Variants in EFNA5 observed in about 807,000 individuals in gnomAD.
EFNA5 encodes the protein ephrin A5, also known as ephrin-A5.
EFNA5 carries 5 observed loss-of-function variants against 22.9 expected under a neutral mutation model. The observed-to-expected ratio is 0.22, with a 90% CI of 0.11 to 0.46. The LOEUF (loss-of-function observed/expected upper bound fraction) is 0.46. Ranked by LOEUF, EFNA5 falls within the 20% of genes least tolerant of loss-of-function variation. EFNA5 has a pLI of 0.99. For missense variants in EFNA5, 237 were observed against 293.3 expected (o/e 0.81, Z 1.40); for synonymous variants, 113 against 112.2 (o/e 1.01, Z -0.04).
intron 1 of EFNA5, among the ~76,000 whole-genome samples, chr5:107,482,886 A>C (rs1750524611): frequency 6.7e-6 from 1 of 148,954 alleles, no homozygotes; most frequent in African/African-American, 2.5e-5. Flanking sequence ...ATATATATAT[A>C]TATATATACA....
At chr5:107,559,832 C>T (rs1429734372) in intron 1 of EFNA5, among the ~76,000 whole-genome samples, 2 of 152,126 alleles carry the variant, frequency 1.3e-5, no homozygotes, top group African/African-American at 2.4e-5. Flanking sequence ...AGCAATTATC[C>T]TTTGGGGAGT....
At chr5:107,571,983 G>C (rs1748818127) in intron 1 of EFNA5, among the ~76,000 whole-genome samples, 1 of 152,104 alleles carries the variant, frequency 6.6e-6, no homozygotes, top group South Asian at 2.1e-4. Context: ...TGGCAAAGCA[G>C]AGCCTACTGT....
chr5:107,377,737 A>C lies in EFNA5; in HGVS notation c.*3518T>G, dbSNP rs902028880. 1.3e-5 allele frequency: 2 copies of C among 152,226 alleles called. No individual in the cohort carries two copies. Among genetic ancestry groups the C allele is most frequent in the Admixed American group, 6.5e-5 (1 of 15,284 alleles). The allele number at this position is 152,226 out of a possible 1,614,324, so 9.4% of individuals were successfully genotyped here. A position where few individuals can be genotyped will look rare whatever the true frequency, so the allele number is the denominator to read the frequency against. On this transcript the variant is annotated 3_prime_UTR_variant, in exon 5 of 5. Transcript: ENST00000333274. Reference sequence around the variant, plus strand: ...GATATTGATAAAGACTCTTCCTGGGAAAAAATAAAACAGTCCATGAAAACA... The same window carrying C: ...GATATTGATAAAGACTCTTCCTGGGCAAAAATAAAACAGTCCATGAAAACA...
chr5:107,523,733 TAAATCCCTTTGTAATAAC>T (rs1053600384), intron 1 of EFNA5, among the ~76,000 whole-genome samples: 1 of 152,240 alleles, frequency 6.6e-6, no homozygotes, highest in African/African-American at 2.4e-5. Context: ...CTTTTTGAAA[TAAATCCCTTTGTAATAAC>T]AAATCAGACT....
chr5:107,427,039 T>C (rs1748827420), intron 2 of EFNA5, 178 bp downstream of exon 2: 5 of 667,054 alleles, frequency 7.5e-6, no homozygotes, highest in Non-Finnish European at 1.3e-5. Flanking sequence ...GCTCTGTCTT[T>C]AATCTAATTT....
At chr5:107,588,303 C>T (rs192511292) in intron 1 of EFNA5, among the ~76,000 whole-genome samples, 2 of 151,966 alleles carry the variant, frequency 1.3e-5, no homozygotes, top group Non-Finnish European at 2.9e-5. Context: ...GAGTACATAA[C>T]TAGAAGGCCC....
At chr5:107,608,667 G>A (rs1749767891) in intron 1 of EFNA5, among the ~76,000 whole-genome samples, 1 of 152,192 alleles carries the variant, frequency 6.6e-6, no homozygotes, top group Non-Finnish European at 1.5e-5. Flanking sequence ...TCATGGCTGT[G>A]CTTTATCTTC....
chr5:107,495,690 G>C (rs1247229197), intron 1 of EFNA5, among the ~76,000 whole-genome samples: 1 of 152,126 alleles, frequency 6.6e-6, no homozygotes, highest in Admixed American at 6.5e-5. Flanking sequence ...GAAACTCCTT[G>C]GCGCCTCCTC....
chr5:107,618,860 A>C, intron 1 of EFNA5, among the ~76,000 whole-genome samples: 1 of 152,160 alleles, frequency 6.6e-6, no homozygotes. Context: ...ACTCCTTCTT[A>C]AGGGATATAC....
At chr5:107,462,742 C>G (rs1749866830) in intron 1 of EFNA5, among the ~76,000 whole-genome samples, 1 of 152,158 alleles carries the variant, frequency 6.6e-6, no homozygotes, top group Non-Finnish European at 1.5e-5. Context: ...GGAAAAGCAT[C>G]ACATCTGTTT....
At chr5:107,551,011 T>C (rs1748281913) in intron 1 of EFNA5, among the ~76,000 whole-genome samples, 1 of 152,218 alleles carries the variant, frequency 6.6e-6, no homozygotes, top group African/African-American at 2.4e-5. Flanking sequence ...ATAAGGTGTT[T>C]TAATAATATC....
Position 107,591,951 on chromosome 5 carries a change from AATATATAAT to A in EFNA5, c.125+78529_125+78537del, listed in dbSNP as rs1561443042. 2.8e-3 allele frequency among the ~76,000 whole-genome samples: 34 copies of A among 12,360 alleles called. 1 individual carries two copies. Among genetic ancestry groups the A allele is most frequent in the South Asian group, 3.3e-3 (1 of 300 alleles). 8.1% of individuals were successfully genotyped at this position (12,360 alleles called of 152,430 possible). A position where few individuals can be genotyped will look rare whatever the true frequency, so the allele number is the denominator to read the frequency against. ...AATATATAATATATATATTATATAT[AATATATAAT>A]ATATATAATATATATAATATATAAT... On this transcript the variant is annotated intron_variant, in intron 1 of 4. Coordinates refer to ENST00000333274, the MANE Select transcript of EFNA5 (RefSeq NM_001962.3).
rs532197850 is a variant in EFNA5, at chr5:107,612,247, G to T, written c.125+58242C>A. Among the ~76,000 whole-genome samples, 10 of 152,148 alleles carry T rather than the reference G, an allele frequency of 6.6e-5. No individual in the cohort carries two copies. In the South Asian group the frequency reaches 1.7e-3, roughly 25 times the overall value. On this transcript the variant is annotated intron_variant, in intron 1 of 4. Coordinates refer to ENST00000333274, the MANE Select transcript of EFNA5 (RefSeq NM_001962.3). ...CAAATTTTACTGATAAATATGTAAA[G>T]TTGATTAATTATACTTTCTATATCA...
intron 2 of EFNA5, among the ~76,000 whole-genome samples, chr5:107,420,547 A>G (rs1381388283): frequency 9.5e-6 from 1 of 105,552 alleles, no homozygotes; most frequent in Admixed American, 1.1e-4. Flanking sequence ...AAAAGAAAAA[A>G]AAAAAAGAAA....
intron 1 of EFNA5, among the ~76,000 whole-genome samples, chr5:107,665,208 G>C (rs1187440696): frequency 1.3e-5 from 2 of 152,186 alleles, no homozygotes; most frequent in Non-Finnish European, 2.9e-5. Context: ...TTGGCCCAGC[G>C]TGAAGCTGGT....
At chr5:107,554,178 A>T (rs41375) in intron 1 of EFNA5, among the ~76,000 whole-genome samples, 95,842 of 152,090 alleles carry the variant, frequency 0.63, 30,671 homozygotes, top group African/African-American at 0.74. Flanking sequence ...GCACTGTTTT[A>T]AAAATCATAC....
intron 1 of EFNA5, among the ~76,000 whole-genome samples, chr5:107,482,801 T>C (rs1750506312): frequency 9.9e-6 from 1 of 100,844 alleles, no homozygotes; most frequent in African/African-American, 4.4e-5. Flanking sequence ...GGCTGCTCTC[T>C]CTCTCTCTCT....
chr5:107,404,541 T>C lies in EFNA5; in HGVS notation c.419-16770A>G, dbSNP rs533206231. 3.3e-5 allele frequency among the ~76,000 whole-genome samples: 5 copies of C among 152,336 alleles called. No homozygotes were observed. The South Asian group carries it at 1.0e-3, about 32-fold the overall frequency. ...AGGAACTGTGCCAGGTTTATTAAGTTTAATCCTCAGCACATTTCTTCGAGG... is the reference window on the plus strand; with the variant it reads ...AGGAACTGTGCCAGGTTTATTAAGTCTAATCCTCAGCACATTTCTTCGAGG... On this transcript the variant is annotated intron_variant, in intron 2 of 4. Transcript: ENST00000333274.
intron 1 of EFNA5, among the ~76,000 whole-genome samples, chr5:107,598,048 C>T (rs985313982): frequency 2.0e-5 from 3 of 152,170 alleles, no homozygotes; most frequent in South Asian, 2.1e-4. Flanking sequence ...CAACCATTTA[C>T]GATAACTTTA....
Sources: allele counts gnomAD v4.1 joint callset (sites outside exome capture counted in the v4.1 genomes callset), GRCh38; gene constraint gnomAD v4.1.1; transcripts MANE v1.5; gene names NCBI Gene and HGNC (gene_info 2026-07-23, HGNC 2026-07-21).